Variants in CHST15 observed in about 807,000 individuals in gnomAD.
CHST15 encodes the protein carbohydrate sulfotransferase 15, also known as B cell RAG associated protein (GALNAC4S-6ST).
CHST15 carries 30 observed loss-of-function variants against 53.6 expected under a neutral mutation model. The ratio of observed to expected loss-of-function variants is 0.56; its 90% CI spans 0.42 to 0.76. The LOEUF (loss-of-function observed/expected upper bound fraction) is 0.76. Ranked by LOEUF, CHST15 falls within the 30% of genes least tolerant of loss-of-function variation. The probability of loss-of-function intolerance (pLI) is 0.00; values close to 1 mark genes in which losing one functional copy is unlikely to be tolerated. For missense variants in CHST15, 627 were observed against 740.5 expected (o/e 0.85, Z 1.78); for synonymous variants, 296 against 289.8 (o/e 1.02, Z -0.22).
chr10:124,077,903 G>A (rs962672012), intron 1 of CHST15, among the ~76,000 whole-genome samples: 1 of 152,184 alleles, frequency 6.6e-6, no homozygotes, highest in Non-Finnish European at 1.5e-5. Context: ...TCAGCTTGTA[G>A]ATGGTTTAAT....
intron 6 of CHST15, among the ~76,000 whole-genome samples, chr10:124,018,897 AAG>A (rs976309139): frequency 2.0e-5 from 3 of 152,140 alleles, no homozygotes; most frequent in Non-Finnish European, 4.4e-5. Context: ...TACTGGGAAA[AAG>A]AGGGAAAAGG....
intron 5 of CHST15, among the ~76,000 whole-genome samples, chr10:124,028,389 A>C (rs747847528): frequency 6.6e-6 from 1 of 152,194 alleles, no homozygotes; most frequent in Non-Finnish European, 1.5e-5. Context: ...CAAGGCCACT[A>C]GTTTGGGAAA....
At chr10:124,086,911 G>C (rs1264069027) in intron 1 of CHST15, among the ~76,000 whole-genome samples, 2 of 152,144 alleles carry the variant, frequency 1.3e-5, no homozygotes, top group African/African-American at 4.8e-5. Context: ...CTGAGTCAGC[G>C]TGGATCCCAG....
At chr10:124,038,251 A>C (rs9422263) in intron 5 of CHST15, among the ~76,000 whole-genome samples, 22 of 151,910 alleles carry the variant, frequency 1.4e-4, no homozygotes, top group South Asian at 6.2e-4. Flanking sequence ...GGACTATAGG[A>C]GTGTGCCACC....
intron 5 of CHST15, among the ~76,000 whole-genome samples, chr10:124,034,525 A>AT (rs1402377872): frequency 3.4e-5 from 5 of 148,704 alleles, no homozygotes; most frequent in African/African-American, 1.0e-4. Context: ...CCCTGGCTCC[A>AT]CCCCTAACAG....
intron 1 of CHST15, among the ~76,000 whole-genome samples, chr10:124,052,868 T>C (rs1316463375): frequency 1.3e-5 from 2 of 152,130 alleles, no homozygotes; most frequent in African/African-American, 4.8e-5. Context: ...ACCCAATCTC[T>C]ACTAAAAATA....
intron 1 of CHST15, among the ~76,000 whole-genome samples, chr10:124,084,621 C>A (rs944051020): frequency 6.6e-6 from 1 of 152,132 alleles, no homozygotes; most frequent in East Asian, 1.9e-4. Context: ...CTAAACAGCC[C>A]CCAGGAATCC....
Position 124,008,816 on chromosome 10 carries a change from A to T in CHST15, c.*1333T>A. On this transcript the variant is annotated 3_prime_UTR_variant, in exon 8 of 8. Coordinates refer to ENST00000435907, the MANE Select transcript of CHST15 (RefSeq NM_001270764.2). ...GAGTGCAAAGCTTCATCCAGGTCCC[A>T]CCTGGGCTGTTGCCAAGGATGCTCA... 8.2e-7 allele frequency: 1 copy of T among 1,224,994 alleles called. No homozygotes were observed. The highest frequency in any genetic ancestry group is 1.1e-6 in the Non-Finnish European group (1 of 951,592). 75.9% of individuals were successfully genotyped at this position (1,224,994 alleles called of 1,614,324 possible).
chr10:124,037,904 C>T (rs1752195866), intron 5 of CHST15, among the ~76,000 whole-genome samples: 1 of 152,266 alleles, frequency 6.6e-6, no homozygotes, highest in Admixed American at 6.5e-5. Flanking sequence ...AAGGGTGTTT[C>T]CCTCGCCTTG....
intron 5 of CHST15, among the ~76,000 whole-genome samples, chr10:124,021,642 C>T (rs1224303320): frequency 6.6e-6 from 1 of 152,206 alleles, no homozygotes; most frequent in African/African-American, 2.4e-5. Flanking sequence ...ACTGGCCCCA[C>T]ACAAACCACC....
chr10:124,014,589 G>A (rs536071832), intron 6 of CHST15, among the ~76,000 whole-genome samples: 4 of 152,192 alleles, frequency 2.6e-5, no homozygotes, highest in Admixed American at 1.3e-4. Flanking sequence ...GAATCATGAC[G>A]AGACCAACTC....
At chr10:124,050,050 G>A (rs1948137162) in intron 1 of CHST15, among the ~76,000 whole-genome samples, 1 of 151,954 alleles carries the variant, frequency 6.6e-6, no homozygotes, top group South Asian at 2.1e-4. Context: ...GGGGGTGGGG[G>A]CCTCTCTGAG....
At chr10:124,092,681 C>T (rs997194991) in intron 1 of CHST15, among the ~76,000 whole-genome samples, 13 of 152,048 alleles carry the variant, frequency 8.5e-5, no homozygotes, top group Admixed American at 2.6e-4. Flanking sequence ...AGCTCGCAAC[C>T]GGGGAGAGAG....
chr10:124,018,164 C>A (rs1946650965), intron 6 of CHST15, among the ~76,000 whole-genome samples: 1 of 152,224 alleles, frequency 6.6e-6, no homozygotes, highest in Non-Finnish European at 1.5e-5. Flanking sequence ...ACTTTTCCCT[C>A]AAGATTCATT....
At chr10:124,026,424 C>T (rs1947012556) in intron 5 of CHST15, among the ~76,000 whole-genome samples, 1 of 152,182 alleles carries the variant, frequency 6.6e-6, no homozygotes, top group East Asian at 1.9e-4. Context: ...TCAGAAAATG[C>T]TGAGAACAGC....
chr10:124,043,292 G>A (rs1475627015), intron 3 of CHST15, among the ~76,000 whole-genome samples: 3 of 152,100 alleles, frequency 2.0e-5, no homozygotes, highest in Non-Finnish European at 2.9e-5. Flanking sequence ...TGTGAGCCTC[G>A]GGGGAGCACC....
At chr10:124,077,213 C>T (rs937423996) in intron 1 of CHST15, among the ~76,000 whole-genome samples, 1 of 152,320 alleles carries the variant, frequency 6.6e-6, no homozygotes, top group African/African-American at 2.4e-5. Context: ...GTTTAAAGCT[C>T]ATCTTGGGTT....
intron 2 of CHST15, among the ~76,000 whole-genome samples, chr10:124,045,133 A>AAAACAAC (rs1564882311): frequency 1.4e-5 from 2 of 145,700 alleles, no homozygotes; most frequent in African/African-American, 5.4e-5. Flanking sequence ...AAAAAAAAAA[A>AAAACAAC]AAAAAAAAAA....
In CHST15 at chr10:124,056,034, C is replaced by T. The variant is rs988907717; in HGVS notation, c.-512-9310G>A. Among the ~76,000 whole-genome samples, 2 of 152,144 alleles carry T rather than the reference C, an allele frequency of 1.3e-5. 1 individual carries two copies. The highest frequency in any genetic ancestry group is 4.1e-4 in the South Asian group (2 of 4,832). ...AGCCTGCCTTTTATAGAGGAGAAAC[C>T]AAGGCCAGTGTGGTCTGTACTTCCC... On this transcript the variant is annotated intron_variant, in intron 1 of 7. Transcript: ENST00000435907.
Sources: gnomAD v4.1 joint callset for allele counts (sites outside exome capture counted in the v4.1 genomes callset) on GRCh38, gnomAD v4.1.1 for gene constraint, MANE v1.5 for transcripts, NCBI Gene and HGNC (gene_info 2026-07-23, HGNC 2026-07-21) for gene names.